The following NALF1 variants were observed in gnomAD, a reference collection of about 807,000 sequenced individuals.
NALF1 encodes the protein NALCN channel auxiliary factor 1, also known as family with sequence similarity 155 member A.
In NALF1, 3 loss-of-function variants were observed where a neutral mutation model predicts 48.4. The observed-to-expected ratio is 0.06, with a 90% CI of 0.03 to 0.16. NALF1 has a LOEUF of 0.16. NALF1 is among the 10% of genes least tolerant of loss of function. The probability of loss-of-function intolerance (pLI) is 1.00; values close to 1 mark genes in which losing one functional copy is unlikely to be tolerated. For synonymous variants in NALF1, 262 were observed against 245.7 expected (o/e 1.07, Z -0.62); for missense variants, 526 against 571.5 (o/e 0.92, Z 0.81).
chr13:107,384,599 A>C (rs924308510), intron 1 of NALF1, among the ~76,000 whole-genome samples: 2 of 152,178 alleles, frequency 1.3e-5, no homozygotes, highest in Non-Finnish European at 2.9e-5. Context: ...ATAAATTATT[A>C]TTTAATTAAA....
intron 1 of NALF1, among the ~76,000 whole-genome samples, chr13:107,580,520 T>A (rs532142635): frequency 6.5e-4 from 99 of 152,260 alleles, no homozygotes; most frequent in African/African-American, 2.1e-3. Flanking sequence ...CCACCCCACA[T>A]GCATGACATC....
In NALF1 at chr13:107,867,276, C is replaced by A. The variant is rs1334558794; in HGVS notation, c.-680G>T. On this transcript the variant is annotated 5_prime_UTR_variant, in exon 1 of 3. Coordinates refer to ENST00000375915, the MANE Select transcript of NALF1 (RefSeq NM_001080396.3). This position sits in a 1 kb window ranked among gnomAD's most constrained non-coding sequence, Gnocchi z 4.4. ...GCCTCCGGCGGGGCGCTCCCTCCCC[C>A]CCACCCCCCACCCCGCGCTCTAAGT... Among the ~76,000 whole-genome samples, 2 of 105,966 alleles carry A rather than the reference C, an allele frequency of 1.9e-5. No homozygotes were observed. The highest frequency in any genetic ancestry group is 4.1e-5 in the Non-Finnish European group (2 of 48,200). The allele number at this position is 105,966 out of a possible 152,430, so 69.5% of individuals were successfully genotyped here.
chr13:107,328,606 T>C (rs1234976285), intron 1 of NALF1, among the ~76,000 whole-genome samples: 1 of 152,200 alleles, frequency 6.6e-6, no homozygotes, highest in Non-Finnish European at 1.5e-5. Context: ...AGATACAGTG[T>C]TTTGAAGAAA....
intron 1 of NALF1, among the ~76,000 whole-genome samples, chr13:107,542,502 A>G (rs561656606): frequency 6.6e-6 from 1 of 152,260 alleles, no homozygotes; most frequent in South Asian, 2.1e-4. Flanking sequence ...TGTCAGTTAT[A>G]AGTCAGTAAT....
chr13:107,544,575 C>A (rs367654756), intron 1 of NALF1, among the ~76,000 whole-genome samples: 1 of 152,114 alleles, frequency 6.6e-6, no homozygotes, highest in Non-Finnish European at 1.5e-5. Context: ...TTTAGAACCC[C>A]ACAGTCCATA....
intron 1 of NALF1, among the ~76,000 whole-genome samples, chr13:107,701,592 G>A (rs3905065): frequency 0.65 from 98,178 of 151,942 alleles, 32,047 homozygotes; most frequent in Non-Finnish European, 0.67. Context: ...AAGAGGAAAT[G>A]GGGAGATAGA....
intron 1 of NALF1, among the ~76,000 whole-genome samples, chr13:107,445,241 C>G (rs1884630513): frequency 6.6e-6 from 1 of 152,190 alleles, no homozygotes; most frequent in African/African-American, 2.4e-5. Context: ...TTTACAGCCA[C>G]CCTCTGCCCT....
intron 1 of NALF1, among the ~76,000 whole-genome samples, chr13:107,726,913 T>TTGTGTGTGTGTG (rs1171461096): frequency 3.1e-4 from 39 of 126,398 alleles, no homozygotes; most frequent in African/African-American, 1.1e-3. Context: ...CGGCAAATTC[T>TTGTGTGTGTGTG]TGTGTGTGTG....
chr13:107,482,360 G>A (rs1354146748), intron 1 of NALF1, among the ~76,000 whole-genome samples: 1 of 151,994 alleles, frequency 6.6e-6, no homozygotes, highest in Non-Finnish European at 1.5e-5. Flanking sequence ...ACACACACAC[G>A]TCCTATTGGT....
At chr13:107,539,670 T>G (rs919975512) in intron 1 of NALF1, among the ~76,000 whole-genome samples, 1 of 152,116 alleles carries the variant, frequency 6.6e-6, no homozygotes, top group African/African-American at 2.4e-5. Flanking sequence ...CACAAAATAT[T>G]TTATATAGAG....
intron 1 of NALF1, among the ~76,000 whole-genome samples, chr13:107,255,239 G>T (rs549456470): frequency 1.3e-5 from 2 of 152,146 alleles, no homozygotes; most frequent in East Asian, 1.9e-4. Flanking sequence ...ACTGCTTCCC[G>T]CTTTGCTACC....
intron 1 of NALF1, among the ~76,000 whole-genome samples, chr13:107,575,544 T>A (rs1878115089): frequency 6.6e-6 from 1 of 152,114 alleles, no homozygotes; most frequent in South Asian, 2.1e-4. Context: ...GCCTAGGAAA[T>A]GGAAAGCCAA....
At chr13:107,384,628 C>CT (rs1048744790) in intron 1 of NALF1, among the ~76,000 whole-genome samples, 30 of 152,014 alleles carry the variant, frequency 2.0e-4, no homozygotes, top group South Asian at 4.2e-4. Flanking sequence ...GGCAAGGCAT[C>CT]TTTTTTTTCT....
chr13:107,438,653 A>C (rs1884501408), intron 1 of NALF1, among the ~76,000 whole-genome samples: 1 of 151,516 alleles, frequency 6.6e-6, no homozygotes, highest in Non-Finnish European at 1.5e-5. Context: ...AACAAATAAC[A>C]AAACAAAAAA....
chr13:107,774,360 A>T (rs1345502425), intron 1 of NALF1, among the ~76,000 whole-genome samples: 1 of 152,196 alleles, frequency 6.6e-6, no homozygotes, highest in Non-Finnish European at 1.5e-5. Flanking sequence ...AGGCAACACC[A>T]CTGGATTCCA....
intron 1 of NALF1, among the ~76,000 whole-genome samples, chr13:107,761,646 C>T (rs1360938138): frequency 6.6e-6 from 1 of 152,158 alleles, no homozygotes; most frequent in Non-Finnish European, 1.5e-5. Flanking sequence ...TGCTAAGCAG[C>T]TTGCCATAGA....
intron 1 of NALF1, among the ~76,000 whole-genome samples, chr13:107,234,704 A>AG (rs1365780951): frequency 8.8e-5 from 11 of 124,754 alleles, no homozygotes; most frequent in African/African-American, 4.5e-4. Flanking sequence ...GCATAAGCTT[A>AG]GAAAAAAAAA....
At chr13:107,229,882 G>A (rs1045223653) in intron 1 of NALF1, among the ~76,000 whole-genome samples, 1 of 152,146 alleles carries the variant, frequency 6.6e-6, no homozygotes, top group African/African-American at 2.4e-5. Context: ...TTCTTGCCTG[G>A]ATTCCATAGG....
intron 1 of NALF1, among the ~76,000 whole-genome samples, chr13:107,652,343 T>C (rs1008901642): frequency 1.3e-5 from 2 of 152,240 alleles, no homozygotes; most frequent in Non-Finnish European, 2.9e-5. Context: ...ACTTTTAACA[T>C]ATTTAAATGT....
Sources: gnomAD v4.1 joint callset for allele counts (sites outside exome capture counted in the v4.1 genomes callset) on GRCh38, gnomAD v4.1.1 for gene constraint, Gnocchi (gnomAD v3.1) non-coding constraint, MANE v1.5 for transcripts, NCBI Gene and HGNC (gene_info 2026-07-23, HGNC 2026-07-21) for gene names.